Variants in CDON observed in about 807,000 individuals in gnomAD.
CDON encodes the protein cell adhesion molecule-related/down-regulated by oncogenes.
In CDON, 73 loss-of-function variants were observed where a neutral mutation model predicts 120.9. The observed-to-expected ratio is 0.60, with a 90% CI of 0.50 to 0.73. CDON has a LOEUF of 0.73. CDON is among the 30% of genes least tolerant of loss of function. The pLI, the probability that CDON is intolerant of heterozygous loss-of-function variation, is 0.00. For missense variants in CDON, 1,470 were observed against 1,587.3 expected (o/e 0.93, Z 1.26); for synonymous variants, 566 against 573.5 (o/e 0.99, Z 0.19).
chr11:125,994,431 T>A (rs2155355), intron 13 of CDON, 42 bp from the exon 14 acceptor site: 1 of 1,065,082 alleles, frequency 9.4e-7, no homozygotes, highest in Non-Finnish European at 1.5e-6. Context: ...GAAAAATTAA[T>A]GTAACCTTCT....
chr11:125,980,918 G>A, intron 17 of CDON, 131 bp downstream of exon 17: 1 of 859,738 alleles, frequency 1.2e-6, no homozygotes, highest in Non-Finnish European at 1.9e-6. Flanking sequence ...GGCTGCCAGT[G>A]ATCCATGCTG....
At chr11:125,974,577 T>TAAGA (rs113704971) in intron 18 of CDON, among the ~76,000 whole-genome samples, 56,398 of 151,682 alleles carry the variant, frequency 0.37, 10,534 homozygotes, top group Admixed American at 0.43. Context: ...TTTAAATACA[T>TAAGA]AATAAAAGCA....
Position 126,017,334 on chromosome 11 carries a change from A to T in CDON, c.682T>A (p.Ser228Thr). The stretch of plus-strand genomic sequence containing the variant: ...CGAGAAAGAACAGCTAATGCCTGTG[A>T]ATGGGTGGGGTGAAGAATGTGAACA... ...DDVHILHPTH[S>T]QALAVLSRSP... The change falls in exon 6 of 20, where the codon TCA becomes ACA. Residue 228 changes from serine to threonine, a missense_variant. Ser to Thr is a moderately conservative substitution (Grantham distance 58). Transcript: ENST00000531738. 6.2e-7 allele frequency: 1 copy of T among 1,614,196 alleles called. No homozygotes were observed. Among genetic ancestry groups the T allele is most frequent in the Non-Finnish European group, 8.5e-7 (1 of 1,180,030 alleles).
At chr11:125,991,773 T>C (rs1036675323) in intron 14 of CDON, among the ~76,000 whole-genome samples, 1 of 152,008 alleles carries the variant, frequency 6.6e-6, no homozygotes, top group Non-Finnish European at 1.5e-5. Context: ...CTTGAAAATA[T>C]AGAATAAGCA....
chr11:126,043,634 C>G (rs546789817), intron 1 of CDON, among the ~76,000 whole-genome samples: 1 of 152,310 alleles, frequency 6.6e-6, no homozygotes, highest in Non-Finnish European at 1.5e-5. Flanking sequence ...CAAGGGACCA[C>G]AGCAAATAAA....
chr11:125,995,835 T>C (rs571045442), intron 12 of CDON, among the ~76,000 whole-genome samples: 1 of 152,366 alleles, frequency 6.6e-6, no homozygotes, highest in Admixed American at 6.5e-5. Flanking sequence ...ATGTTGCTTG[T>C]TTTGACAGCC....
At chr11:126,011,699 A>G (rs1385194260) in intron 7 of CDON, among the ~76,000 whole-genome samples, 1 of 152,198 alleles carries the variant, frequency 6.6e-6, no homozygotes, top group East Asian at 1.9e-4. Flanking sequence ...AACAGTATCT[A>G]TTAGGAAGAT....
chr11:126,030,363 C>T (rs114722871), intron 1 of CDON, among the ~76,000 whole-genome samples: 2,317 of 152,282 alleles, frequency 0.015, 68 homozygotes, highest in African/African-American at 0.053. Flanking sequence ...AACGCCTTTG[C>T]TTTCATAAGG....
intron 1 of CDON, among the ~76,000 whole-genome samples, chr11:126,042,236 G>A (rs570927576): frequency 6.4e-4 from 97 of 152,244 alleles, no homozygotes; most frequent in Non-Finnish European, 1.1e-3. Flanking sequence ...TATAAGATTA[G>A]GATTTTAAAA....
intron 18 of CDON, 21 bp from the exon 19 acceptor site, chr11:125,962,019 G>C: frequency 1.9e-6 from 3 of 1,588,426 alleles, no homozygotes; most frequent in Non-Finnish European, 2.6e-6. Flanking sequence ...TAAACCAAAA[G>C]AAACAGAATT....
intron 16 of CDON, among the ~76,000 whole-genome samples, chr11:125,982,479 T>G (rs11220302): frequency 1.3e-5 from 2 of 152,044 alleles, no homozygotes; most frequent in African/African-American, 4.8e-5. Flanking sequence ...CTCCTTTCCT[T>G]AGCTGCCCAC....
chr11:126,022,036 A>G (rs1240176332), intron 2 of CDON, among the ~76,000 whole-genome samples: 1 of 138,488 alleles, frequency 7.2e-6, no homozygotes, highest in Non-Finnish European at 1.5e-5. Context: ...CAGGAGGTGG[A>G]GGCTGCAGTG....
intron 14 of CDON, among the ~76,000 whole-genome samples, chr11:125,993,809 A>C (rs1196222033): frequency 6.6e-6 from 1 of 152,248 alleles, no homozygotes; most frequent in Non-Finnish European, 1.5e-5. Flanking sequence ...AGTAAAAAAA[A>C]GCAGTTTCAA....
At chr11:126,055,259 G>A (rs10466542) in intron 1 of CDON, among the ~76,000 whole-genome samples, 2 of 151,840 alleles carry the variant, frequency 1.3e-5, no homozygotes, top group Non-Finnish European at 2.9e-5. Context: ...CAAAGTTTGA[G>A]GAGGAGGATG....
At chr11:125,976,771 C>A (rs946940999) in intron 18 of CDON, among the ~76,000 whole-genome samples, 6 of 152,068 alleles carry the variant, frequency 3.9e-5, no homozygotes, top group African/African-American at 1.4e-4. Flanking sequence ...CAGGAAATTG[C>A]CAGAGACTAC....
At chr11:125,993,178 T>G (rs1214427315) in intron 14 of CDON, among the ~76,000 whole-genome samples, 3 of 152,222 alleles carry the variant, frequency 2.0e-5, no homozygotes, top group Non-Finnish European at 4.4e-5. Context: ...TTTTTCAACC[T>G]GAATATCGTT....
intron 1 of CDON, among the ~76,000 whole-genome samples, chr11:126,051,797 A>C (rs1948565888): frequency 6.6e-6 from 1 of 151,176 alleles, no homozygotes; most frequent in African/African-American, 2.4e-5. Context: ...ACAGGCACCC[A>C]CCACCACGCC....
chr11:126,017,035 G>GACCAGAAGGACCAGAA, intron 6 of CDON, 53 bp downstream of exon 6: 2 of 1,448,574 alleles, frequency 1.4e-6, no homozygotes, highest in Non-Finnish European at 1.9e-6. Context: ...TCAGGTATCA[G>GACCAGAAGGACCAGAA]TTAGACCAGA....
In CDON at chr11:126,005,819, C is replaced by T. The variant is rs1425793691; in HGVS notation, c.1791G>A (p.Val597=). The change falls in exon 9 of 20, where the codon GTG becomes GTA. Residue 597 remains valine, a synonymous_variant. Transcript: ENST00000531738. ...GCCCACCATCCTTGCCTGCCCTCCA[C>T]ACCAGGTTGTACGTGTCTGGTGTGT... ...QTHTPDTYNL[V]WRAGKDGGLP... The T allele has an allele frequency of 2.5e-6, 4 of 1,614,130 alleles. No homozygotes were observed. Among genetic ancestry groups the T allele is most frequent in the Admixed American group, 3.3e-5 (2 of 60,022 alleles).
Sources: allele counts gnomAD v4.1 joint callset (sites outside exome capture counted in the v4.1 genomes callset), GRCh38; gene constraint gnomAD v4.1.1; transcripts MANE v1.5; gene names NCBI Gene and HGNC (gene_info 2026-07-23, HGNC 2026-07-21).